The following MYH10 variants were observed in gnomAD, a reference collection of about 807,000 sequenced individuals.
The protein encoded by MYH10 is myosin-10.
MYH10 carries 55 observed loss-of-function variants against 257.8 expected under a neutral mutation model. The ratio of observed to expected loss-of-function variants is 0.21; its 90% CI spans 0.17 to 0.27. The LOEUF (loss-of-function observed/expected upper bound fraction) is 0.27. Ranked by LOEUF, MYH10 falls within the 10% of genes least tolerant of loss-of-function variation. The pLI is 1.00. For missense variants in MYH10, 1,631 were observed against 2,500.6 expected (o/e 0.65, Z 7.42); for synonymous variants, 854 against 921.7 (o/e 0.93, Z 1.33).
intron 5 of MYH10, 131 bp from the exon 6 acceptor site, chr17:8,576,803 A>G (rs2083515207): frequency 1.3e-6 from 1 of 762,146 alleles, no homozygotes; most frequent in East Asian, 2.7e-5. Flanking sequence ...GCGTTCTCTC[A>G]GGCTGTATTA....
At chr17:8,598,792 C>T (rs2084484594) in intron 3 of MYH10, among the ~76,000 whole-genome samples, 2 of 151,742 alleles carry the variant, frequency 1.3e-5, no homozygotes, top group Non-Finnish European at 2.9e-5. Context: ...CTGCAACCTC[C>T]ACCTCCCAGG....
chr17:8,478,792 G>A (rs1472454993), intron 40 of MYH10, among the ~76,000 whole-genome samples: 11 of 152,262 alleles, frequency 7.2e-5, no homozygotes, highest in Admixed American at 6.5e-4. Flanking sequence ...GTGCAGTGGC[G>A]CCATCTCTGC....
chr17:8,487,398 T>C (rs1487935280), intron 36 of MYH10, 35 bp downstream of exon 36: 1 of 1,612,344 alleles, frequency 6.2e-7, no homozygotes, highest in Admixed American at 1.7e-5. Context: ...GGTCACGTGG[T>C]GCCATCCAGA....
At chr17:8,479,568 G>C (rs955936891) in intron 40 of MYH10, among the ~76,000 whole-genome samples, 10 of 152,162 alleles carry the variant, frequency 6.6e-5, no homozygotes, top group African/African-American at 2.4e-4. Flanking sequence ...CTGCATTTCT[G>C]GGCTCCAAGC....
In MYH10 at chr17:8,546,595, G is replaced by T. The variant is rs757635228; in HGVS notation, c.1227C>A (p.Pro409=). ...VMEFTRAILT[P]RIKVGRDYVQ... Reference sequence around the variant, plus strand: ...CATAGTCTCGGCCGACCTTGATCCGGGGAGTCAGGATGGCCCGAGTAAACT... The same window carrying T: ...CATAGTCTCGGCCGACCTTGATCCGTGGAGTCAGGATGGCCCGAGTAAACT... Residue 409 remains proline, a synonymous_variant, in exon 12 of 43, where the codon CCC becomes CCA. Transcript: ENST00000360416. 3 of 1,614,074 alleles carry T rather than the reference G, an allele frequency of 1.9e-6. No homozygotes were observed. The Admixed American group carries it at 5.0e-5, about 27-fold the overall frequency.
intron 3 of MYH10, among the ~76,000 whole-genome samples, chr17:8,596,306 C>A (rs1436158433): frequency 6.6e-6 from 1 of 152,004 alleles, no homozygotes; most frequent in African/African-American, 2.4e-5. Context: ...GCATGAGTTA[C>A]CACGCCCAGC....
At chr17:8,476,855 C>T (rs111578511) in intron 42 of MYH10, 21 bp downstream of exon 42, 67 of 1,594,328 alleles carry the variant, frequency 4.2e-5, no homozygotes, top group African/African-American at 2.4e-4. Flanking sequence ...CCTGTCAGCT[C>T]GGGGCCGCAT....
intron 17 of MYH10, among the ~76,000 whole-genome samples, chr17:8,526,240 C>G (rs2081842466): frequency 6.6e-6 from 1 of 152,140 alleles, no homozygotes; most frequent in Non-Finnish European, 1.5e-5. Flanking sequence ...CCCGAAAAAA[C>G]TCTATTTTAA....
intron 4 of MYH10, among the ~76,000 whole-genome samples, chr17:8,577,594 C>T (rs1038064803): frequency 2.0e-5 from 3 of 152,104 alleles, no homozygotes; most frequent in African/African-American, 4.8e-5. Flanking sequence ...TGCAGTGGCG[C>T]GATCTTGGCT....
intron 32 of MYH10, 52 bp downstream of exon 32, chr17:8,493,681 C>A: frequency 6.4e-7 from 1 of 1,556,512 alleles, no homozygotes. Context: ...GGGCCAGGAT[C>A]TGCTGAAGGC....
At position 8,535,430 on chromosome 17, in the gene MYH10, C is replaced by T; in HGVS notation, c.1851G>A (p.Leu617=). The change falls in exon 16 of 43, where the codon TTG becomes TTA. Residue 617 remains leucine, a synonymous_variant. Coordinates refer to ENST00000360416, the MANE Select transcript of MYH10 (RefSeq NM_001256012.3). The surrounding 1 kb of genome is among the most constrained non-coding windows in gnomAD (Gnocchi z 4.3). ...DPLNDNVATL[L]HQSSDRFVAE... ...CCACAAATCTGTCTGATGACTGGTG[C>T]AAAAGGGTGGCCACGTTGTCATTCA... 1 of 1,614,094 alleles carries T rather than the reference C, an allele frequency of 6.2e-7. No individual in the cohort carries two copies. Among genetic ancestry groups the T allele is most frequent in the Non-Finnish European group, 8.5e-7 (1 of 1,179,998 alleles).
At chr17:8,606,041 T>G (rs2084788173) in intron 2 of MYH10, among the ~76,000 whole-genome samples, 1 of 152,194 alleles carries the variant, frequency 6.6e-6, no homozygotes, top group South Asian at 2.1e-4. Flanking sequence ...CTATTCTTTT[T>G]AAATGAATTA....
intron 3 of MYH10, among the ~76,000 whole-genome samples, chr17:8,601,065 T>G (rs1053617391): frequency 6.6e-6 from 1 of 152,210 alleles, no homozygotes; most frequent in African/African-American, 2.4e-5. Context: ...TGGACTCTCA[T>G]GTCTTAAATT....
At chr17:8,601,322 G>A (rs1250532435) in intron 3 of MYH10, among the ~76,000 whole-genome samples, 3 of 152,096 alleles carry the variant, frequency 2.0e-5, no homozygotes, top group Non-Finnish European at 2.9e-5. Flanking sequence ...TAGAGGCCTC[G>A]GTGTTCCTAA....
In MYH10 at chr17:8,552,087, A is replaced by G. The variant is rs1282122417; in HGVS notation, c.878T>C (p.Ile293Thr). The change falls in exon 9 of 43, where the codon ATC becomes ACC. Residue 293 changes from isoleucine (I) to threonine (T), a missense_variant. Coordinates refer to ENST00000360416, the MANE Select transcript of MYH10 (RefSeq NM_001256012.3). The surrounding 1 kb of genome is among the most constrained non-coding windows in gnomAD (Gnocchi z 4.8). ...TGCTCCAGATAACAACTGGTAAAAG[A>G]TATGAAAAGTACGTTCATCTTTTGC... ...RQAKDERTFH[I>T]FYQLLSGAGE... 1.5e-5 allele frequency: 23 copies of G among 1,564,596 alleles called. No individual in the cohort carries two copies. Among genetic ancestry groups the G allele is most frequent in the Non-Finnish European group, 2.0e-5 (23 of 1,151,082 alleles).
At chr17:8,621,269 T>A (rs934073180) in intron 2 of MYH10, among the ~76,000 whole-genome samples, 2 of 152,086 alleles carry the variant, frequency 1.3e-5, no homozygotes, top group African/African-American at 4.8e-5. Context: ...AATCTGACCA[T>A]AACCTCTTAA....
At chr17:8,609,253 T>TA (rs1420311861) in intron 2 of MYH10, among the ~76,000 whole-genome samples, 1 of 152,116 alleles carries the variant, frequency 6.6e-6, no homozygotes, top group East Asian at 1.9e-4. Context: ...GGAGCAGAGA[T>TA]ACAATAGTCT....
chr17:8,613,367 A>T (rs1272508512), intron 2 of MYH10, among the ~76,000 whole-genome samples: 2 of 152,222 alleles, frequency 1.3e-5, no homozygotes, highest in Non-Finnish European at 2.9e-5. Context: ...TATCGACAGT[A>T]TTAAAATGTA....
chr17:8,602,088 G>A (rs1046416575), intron 3 of MYH10, among the ~76,000 whole-genome samples: 4 of 149,312 alleles, frequency 2.7e-5, no homozygotes, highest in Admixed American at 1.4e-4. Context: ...CCATTCTCCC[G>A]CCTCAGCCTC....
Sources: gnomAD v4.1 joint callset for allele counts (sites outside exome capture counted in the v4.1 genomes callset) on GRCh38, gnomAD v4.1.1 for gene constraint, Gnocchi (gnomAD v3.1) non-coding constraint, MANE v1.5 for transcripts, NCBI Gene and HGNC (gene_info 2026-07-23, HGNC 2026-07-21) for gene names.